Variants in DNM3 observed in about 807,000 individuals in gnomAD.
DNM3 encodes the protein dynamin 3, also known as dynamin-3.
Under a neutral mutation model 101.6 loss-of-function variants are expected in DNM3, and 47 were observed. That is an observed-to-expected ratio of 0.46 (90% CI 0.37 to 0.59). The LOEUF is 0.59. Ranked by LOEUF, DNM3 falls within the 20% of genes least tolerant of loss-of-function variation. The probability of loss-of-function intolerance (pLI) is 0.00; values close to 1 mark genes in which losing one functional copy is unlikely to be tolerated. For synonymous variants in DNM3, 385 were observed against 387.9 expected (o/e 0.99, Z 0.09); for missense variants, 849 against 1,085.7 (o/e 0.78, Z 3.06).
chr1:172,366,442 G>A (rs2068024611), intron 17 of DNM3: 1 of 151,826 alleles, frequency 6.6e-6, no homozygotes, highest in East Asian at 1.9e-4. Context: ...TCTTGTCTCT[G>A]TGATTAGAAT....
At chr1:172,231,738 AAGTCC>A (rs1447235626) in intron 14 of DNM3, among the ~76,000 whole-genome samples, 1 of 152,226 alleles carries the variant, frequency 6.6e-6, no homozygotes, top group Admixed American at 6.5e-5. Flanking sequence ...CAATGCAGAG[AAGTCC>A]TTAAAAGACT....
chr1:172,253,025 TG>T (rs748775219), intron 14 of DNM3, among the ~76,000 whole-genome samples: 12 of 152,262 alleles, frequency 7.9e-5, no homozygotes, highest in Non-Finnish European at 1.3e-4. Flanking sequence ...TCATAGTTTA[TG>T]GGGGGTATTT....
At chr1:171,992,683 C>A (rs2045718186) in intron 4 of DNM3, among the ~76,000 whole-genome samples, 1 of 151,898 alleles carries the variant, frequency 6.6e-6, no homozygotes, top group African/African-American at 2.4e-5. Context: ...ATGGTGGTCC[C>A]AAGAGGAGAC....
chr1:171,959,793 A>G (rs1220104552), intron 2 of DNM3, among the ~76,000 whole-genome samples: 2 of 152,098 alleles, frequency 1.3e-5, no homozygotes, highest in Non-Finnish European at 2.9e-5. Flanking sequence ...TAGATACACC[A>G]GGCCATTTAC....
intron 14 of DNM3, among the ~76,000 whole-genome samples, chr1:172,174,529 C>G (rs565095103): frequency 6.6e-6 from 1 of 151,662 alleles, no homozygotes; most frequent in East Asian, 1.9e-4. Flanking sequence ...ACAAGTTACA[C>G]GTTGTTGATT....
chr1:172,172,502 T>C (rs933984211), intron 14 of DNM3, among the ~76,000 whole-genome samples: 21 of 151,756 alleles, frequency 1.4e-4, no homozygotes, highest in Non-Finnish European at 2.7e-4. Context: ...GCACAGTTTA[T>C]AACTTATGAA....
At chr1:172,159,971 T>C (rs2058485512) in intron 14 of DNM3, among the ~76,000 whole-genome samples, 1 of 151,538 alleles carries the variant, frequency 6.6e-6, no homozygotes, top group Non-Finnish European at 1.5e-5. Context: ...GTTACTCTAC[T>C]GAATACTGTA....
At chr1:171,992,441 C>A (rs2045699985) in intron 4 of DNM3, among the ~76,000 whole-genome samples, 2 of 151,962 alleles carry the variant, frequency 1.3e-5, no homozygotes, top group African/African-American at 4.8e-5. Context: ...GACTGTCAGT[C>A]AGGAGTATGT....
At chr1:171,979,391 A>T (rs1488219720) in intron 2 of DNM3, among the ~76,000 whole-genome samples, 1 of 152,180 alleles carries the variant, frequency 6.6e-6, no homozygotes, top group African/African-American at 2.4e-5. Context: ...CTGCACTGCC[A>T]TGTTTGTTGT....
At position 172,382,718 on chromosome 1, in the gene DNM3, TTTAA is replaced by T. The variant is rs2068980112; in HGVS notation, c.2058+3540_2058+3543del. Among the ~76,000 whole-genome samples, 4 of 152,304 alleles carry T rather than the reference TTTAA, an allele frequency of 2.6e-5. No homozygotes were observed. The South Asian group carries it at 6.2e-4, about 24-fold the overall frequency. On this transcript the variant is annotated intron_variant, in intron 18 of 20. Coordinates refer to ENST00000627582, the MANE Select transcript of DNM3 (RefSeq NM_015569.5). Reference sequence around the variant, plus strand: ...CCAGACAGTTAATTTTACTTGAAGATTTAATTAGGATTTGTTTGAAGGTGAGAAG... The same window carrying T: ...CCAGACAGTTAATTTTACTTGAAGATTTAGGATTTGTTTGAAGGTGAGAAG...
chr1:172,338,751 C>T (rs2066556925), intron 17 of DNM3: 1 of 457,012 alleles, frequency 2.2e-6, no homozygotes, highest in South Asian at 1.6e-5. Flanking sequence ...GAAGTCATTA[C>T]CATATCTCTT....
chr1:172,283,304 C>T (rs1228328911), intron 15 of DNM3, among the ~76,000 whole-genome samples: 1 of 152,086 alleles, frequency 6.6e-6, no homozygotes, highest in Non-Finnish European at 1.5e-5. Flanking sequence ...CACTGTGCCC[C>T]ACCTCTTTAT....
chr1:172,018,855 T>C (rs1402667744), intron 4 of DNM3, among the ~76,000 whole-genome samples: 1 of 152,166 alleles, frequency 6.6e-6, no homozygotes, highest in African/African-American at 2.4e-5. Flanking sequence ...TTTCCTTTTC[T>C]CTAAAGAATT....
At chr1:171,947,919 G>A (rs1235447295) in intron 2 of DNM3, among the ~76,000 whole-genome samples, 1 of 152,182 alleles carries the variant, frequency 6.6e-6, no homozygotes, top group Non-Finnish European at 1.5e-5. Flanking sequence ...CTCTACTAGT[G>A]GAGTTTTCTG....
At chr1:172,207,984 T>C (rs531581205) in intron 14 of DNM3, among the ~76,000 whole-genome samples, 1 of 152,182 alleles carries the variant, frequency 6.6e-6, no homozygotes, top group Admixed American at 6.6e-5. Context: ...CCATTTTGAG[T>C]TATACAGTAA....
chr1:171,861,534 A>G (rs1571291661), intron 1 of DNM3, among the ~76,000 whole-genome samples: 1 of 152,154 alleles, frequency 6.6e-6, no homozygotes, highest in East Asian at 1.9e-4. Context: ...CAGTATATCC[A>G]TGTGCAAAAG....
intron 1 of DNM3, among the ~76,000 whole-genome samples, chr1:171,897,687 A>G (rs1407378514): frequency 6.6e-6 from 1 of 152,234 alleles, no homozygotes; most frequent in Non-Finnish European, 1.5e-5. Context: ...ATTCATTGAC[A>G]TGAAGATATA....
chr1:171,944,849 T>G (rs12725623), intron 2 of DNM3, among the ~76,000 whole-genome samples: 11 of 125,678 alleles, frequency 8.8e-5, no homozygotes, highest in Admixed American at 1.6e-4. Flanking sequence ...TTTTTTTTGG[T>G]GTTTCCTTTT....
chr1:172,381,846 G>T (rs1464126541), intron 18 of DNM3, among the ~76,000 whole-genome samples: 1 of 152,102 alleles, frequency 6.6e-6, no homozygotes, highest in Non-Finnish European at 1.5e-5. Flanking sequence ...AAAGCTAATT[G>T]TTCCTCCAGA....
Sources: gnomAD v4.1 joint callset for allele counts (sites outside exome capture counted in the v4.1 genomes callset) on GRCh38, gnomAD v4.1.1 for gene constraint, MANE v1.5 for transcripts, NCBI Gene and HGNC (gene_info 2026-07-23, HGNC 2026-07-21) for gene names.